CDKN2B-AS1: variants seen among roughly 807,000 people sequenced by gnomAD.
CDKN2B-AS1 encodes CDKN2B antisense RNA 1 (non-protein coding).
In CDKN2B-AS1 at chr9:22,005,866, G is replaced by T; in HGVS notation, n.29+10705G>T. On this transcript the variant is annotated intron_variant and non_coding_transcript_variant, in intron 1 of 4. Coordinates refer to ENST00000650946, the Ensembl canonical transcript of CDKN2B-AS1. The surrounding 1 kb of genome is among the most constrained non-coding windows in gnomAD (Gnocchi z 4.9). ...TCCTCCTTCCTGTGAGTCTCAGACA[G>T]GCTTGCAGGCTTACAGGCTTTCCGC... The T allele has an allele frequency of 7.4e-7, 1 of 1,348,256 alleles. No homozygotes were observed. Among genetic ancestry groups the T allele is most frequent in the African/African-American group, 1.4e-5 (1 of 69,962 alleles). 83.5% of individuals were successfully genotyped at this position (1,348,256 alleles called of 1,614,324 possible).
chr9:22,030,362 G>T (rs1185286575), intron 1 of CDKN2B-AS1: 2 of 152,198 alleles, frequency 1.3e-5, no homozygotes, highest in Non-Finnish European at 2.9e-5. Context: ...CCCTTAGGGG[G>T]TCAGTGTAAG....
At chr9:22,060,337 A>T (rs187093972) in intron 4 of CDKN2B-AS1, among the ~76,000 whole-genome samples, 3 of 152,298 alleles carry the variant, frequency 2.0e-5, no homozygotes, top group East Asian at 1.9e-4. Context: ...AAGTTCCACA[A>T]ATCTCTAGGG....
At chr9:22,020,638 G>GACA (rs1397989966) in intron 1 of CDKN2B-AS1, among the ~76,000 whole-genome samples, 12 of 152,126 alleles carry the variant, frequency 7.9e-5, no homozygotes, top group Non-Finnish European at 1.2e-4. Flanking sequence ...CAGTGATGTT[G>GACA]AGCTTTTCTT....
In CDKN2B-AS1 at chr9:22,124,670, T is replaced by C. The variant is rs564247305; in HGVS notation, n.439-2433T>C. Among the ~76,000 whole-genome samples, 5 of 152,316 alleles carry C rather than the reference T, an allele frequency of 3.3e-5. 1 individual carries two copies. The South Asian group carries it at 1.0e-3, about 32-fold the overall frequency. On this transcript the variant is annotated intron_variant and non_coding_transcript_variant, in intron 4 of 4. Coordinates refer to ENST00000650946, the Ensembl canonical transcript of CDKN2B-AS1. ...TTTTCTAGTTGAGCTATCATTCATA[T>C]TTATTATGTGGAACTAGAGGTAGTC...
At chr9:22,042,294 T>C (rs1822929985) in intron 1 of CDKN2B-AS1, among the ~76,000 whole-genome samples, 2 of 152,132 alleles carry the variant, frequency 1.3e-5, no homozygotes, top group African/African-American at 2.4e-5. Context: ...TTTCAGGCAC[T>C]GGACACTAGA....
chr9:22,013,441 C>T (rs1821600521), intron 1 of CDKN2B-AS1, among the ~76,000 whole-genome samples: 1 of 151,860 alleles, frequency 6.6e-6, no homozygotes, highest in Non-Finnish European at 1.5e-5. Flanking sequence ...TCTTGTATCT[C>T]TCTCTCTCTC....
chr9:22,119,800 T>C (rs1826051940), intron 4 of CDKN2B-AS1: 2 of 152,172 alleles, frequency 1.3e-5, no homozygotes, highest in Non-Finnish European at 2.9e-5. Flanking sequence ...TAAAATACTT[T>C]CCCTCACTGC....
chr9:22,123,559 G>C (rs1260431409), intron 4 of CDKN2B-AS1, among the ~76,000 whole-genome samples: 1 of 152,180 alleles, frequency 6.6e-6, no homozygotes, highest in African/African-American at 2.4e-5. Flanking sequence ...GTCTCGAGGG[G>C]TAAGAGAGGC....
At position 22,001,158 on chromosome 9, in the gene CDKN2B-AS1, A is replaced by G. The variant is rs1208860506; in HGVS notation, n.29+5997A>G. ...AGCCCCAACAACATCATAATAGAGA[A>G]CATTGATAATGAGAGGATAGATAGA... is the stretch of plus-strand genomic sequence containing the variant. On this transcript the variant is annotated intron_variant and non_coding_transcript_variant, in intron 1 of 4. Transcript: ENST00000650946. This position sits in a 1 kb window ranked among gnomAD's most constrained non-coding sequence, Gnocchi z 4.2. Among the ~76,000 whole-genome samples, 1 of 152,148 alleles carries G rather than the reference A, an allele frequency of 6.6e-6. No homozygotes were observed. Among genetic ancestry groups the G allele is most frequent in the African/African-American group, 2.4e-5 (1 of 41,436 alleles).
At chr9:22,121,573 C>T (rs1176371001) in intron 4 of CDKN2B-AS1, among the ~76,000 whole-genome samples, 1 of 152,008 alleles carries the variant, frequency 6.6e-6, no homozygotes, top group Non-Finnish European at 1.5e-5. Flanking sequence ...CTTTTCCTAG[C>T]TTCTAGTATC....
intron 4 of CDKN2B-AS1, among the ~76,000 whole-genome samples, chr9:22,069,786 G>T (rs1407653940): frequency 6.6e-6 from 1 of 152,036 alleles, no homozygotes; most frequent in Non-Finnish European, 1.5e-5. Context: ...TTGTAACTTT[G>T]TACCTGTCGA....
rs1406365832 is a variant in CDKN2B-AS1, at chr9:22,039,490, G to A, written n.30-7261G>A. ...TTACTCTGTGTTTTAACATCTGTGT[G>A]GATAGCATTGTTGTTGTAATATTTT... is the stretch of plus-strand genomic sequence containing the variant. On this transcript the variant is annotated intron_variant and non_coding_transcript_variant, in intron 1 of 4. Transcript: ENST00000650946. This position sits in a 1 kb window ranked among gnomAD's most constrained non-coding sequence, Gnocchi z 4.4. 1.3e-5 allele frequency among the ~76,000 whole-genome samples: 2 copies of A among 151,952 alleles called. No individual in the cohort carries two copies. Among genetic ancestry groups the A allele is most frequent in the African/African-American group, 4.8e-5 (2 of 41,390 alleles).
At chr9:22,089,831 T>A (rs558025784) in intron 4 of CDKN2B-AS1, among the ~76,000 whole-genome samples, 102 of 152,148 alleles carry the variant, frequency 6.7e-4, no homozygotes, top group Non-Finnish European at 1.1e-3. Flanking sequence ...TACTAAATTC[T>A]TTTTTTTAAT....
chr9:22,016,498 T>G (rs1821765915), intron 1 of CDKN2B-AS1, among the ~76,000 whole-genome samples: 1 of 152,234 alleles, frequency 6.6e-6, no homozygotes, highest in African/African-American at 2.4e-5. Flanking sequence ...AAGTCAATCC[T>G]AAGCCAAAAG....
At chr9:22,088,774 C>A (rs964258831) in intron 4 of CDKN2B-AS1, among the ~76,000 whole-genome samples, 2 of 152,192 alleles carry the variant, frequency 1.3e-5, no homozygotes, top group Admixed American at 1.3e-4. Context: ...TCACCCAACC[C>A]TATAAAGTCA....
chr9:22,090,129 C>T (rs1201645303), intron 4 of CDKN2B-AS1, among the ~76,000 whole-genome samples: 4 of 152,228 alleles, frequency 2.6e-5, no homozygotes, highest in African/African-American at 9.6e-5. Context: ...TTTCCAGCTT[C>T]ATCCATGTCC....
intron 4 of CDKN2B-AS1, among the ~76,000 whole-genome samples, chr9:22,088,557 G>T (rs16905640): frequency 6.6e-6 from 1 of 152,114 alleles, no homozygotes; most frequent in Non-Finnish European, 1.5e-5. Context: ...ACAAGTTACC[G>T]TGTGATTCAG....
rs1433727798 is a variant in CDKN2B-AS1 at position 21,996,289 on chromosome 9, A to C, written n.29+1128A>C. Among the ~76,000 whole-genome samples the C allele has an allele frequency of 6.6e-6, 1 of 152,156 alleles. No homozygotes were observed. The highest frequency in any genetic ancestry group is 2.4e-5 in the African/African-American group (1 of 41,428). ...TGAGATTTAGCGATCACTCTTACGTAGCCACTCTAAATATCTATCTAGATA... is the reference window on the plus strand; with the variant it reads ...TGAGATTTAGCGATCACTCTTACGTCGCCACTCTAAATATCTATCTAGATA... On this transcript the variant is annotated intron_variant and non_coding_transcript_variant, in intron 1 of 4. Coordinates refer to ENST00000650946, the Ensembl canonical transcript of CDKN2B-AS1. The surrounding 1 kb of genome is among the most constrained non-coding windows in gnomAD (Gnocchi z 5.4).
intron 1 of CDKN2B-AS1, chr9:22,046,669 A>G (rs1823122480): frequency 6.6e-6 from 1 of 152,104 alleles, no homozygotes; most frequent in Non-Finnish European, 1.5e-5. Flanking sequence ...ATGAAGAGGG[A>G]TTAGGAAATA....
Sources: gnomAD v4.1 joint callset for allele counts (sites outside exome capture counted in the v4.1 genomes callset) on GRCh38, gnomAD v4.1.1 for gene constraint, Gnocchi (gnomAD v3.1) non-coding constraint, MANE v1.5 for transcripts, NCBI Gene and HGNC (gene_info 2026-07-23, HGNC 2026-07-21) for gene names.